Variants in CMIP observed in about 807,000 individuals in gnomAD.
The protein encoded by CMIP is C-Maf-inducing protein.
A neutral mutation model predicts 97.3 loss-of-function variants in CMIP; 13 were observed. That is an observed-to-expected ratio of 0.13 (90% CI 0.09 to 0.21). The LOEUF (loss-of-function observed/expected upper bound fraction) is 0.21, where lower values mean the gene tolerates loss of function less well. Among genes scored for constraint, CMIP ranks in the 10% least tolerant of loss-of-function variants. The probability of loss-of-function intolerance (pLI) is 1.00; values close to 1 mark genes in which losing one functional copy is unlikely to be tolerated. For missense variants in CMIP, 847 were observed against 1,024.9 expected (o/e 0.83, Z 2.37); for synonymous variants, 538 against 436.3 (o/e 1.23, Z -2.91).
At position 81,603,032 on chromosome 16, in the gene CMIP, G is replaced by A. The variant is rs189707391; in HGVS notation, c.301-4535G>A. Among the ~76,000 whole-genome samples the A allele has an allele frequency of 4.6e-5, 7 of 152,260 alleles. No homozygotes were observed. The East Asian group carries it at 5.8e-4, about 13-fold the overall frequency. On this transcript the variant is annotated intron_variant, in intron 1 of 20. Transcript: ENST00000537098. ...AGCCCATGTCCCCTGCAAGCCTCCC[G>A]TGTTCCTGCCCAGTGATAGCACTAC...
chr16:81,491,394 C>A (rs59797868), intron 1 of CMIP, among the ~76,000 whole-genome samples: 2,187 of 152,250 alleles, frequency 0.014, 53 homozygotes, highest in African/African-American at 0.051. Context: ...AGTAAAACTC[C>A]CTGCCCTGCT....
At chr16:81,708,662 C>T (rs540000675) in intron 20 of CMIP, among the ~76,000 whole-genome samples, 181 of 152,324 alleles carry the variant, frequency 1.2e-3, no homozygotes, top group Non-Finnish European at 1.9e-3. Context: ...AGGCAGGCCA[C>T]GCCCCACTGT....
chr16:81,572,632 C>T (rs983344552), intron 1 of CMIP, among the ~76,000 whole-genome samples: 2 of 152,166 alleles, frequency 1.3e-5, no homozygotes, highest in African/African-American at 2.4e-5. Context: ...CCAGGGTGCC[C>T]GGCCCGCACA....
chr16:81,574,722 A>G (rs1429253663), intron 1 of CMIP, among the ~76,000 whole-genome samples: 1 of 152,072 alleles, frequency 6.6e-6, no homozygotes, highest in Non-Finnish European at 1.5e-5. Context: ...CTGGGGATAC[A>G]GTGGTGGCCT....
chr16:81,479,611 C>T (rs1022468746), intron 1 of CMIP, among the ~76,000 whole-genome samples: 3 of 151,996 alleles, frequency 2.0e-5, no homozygotes, highest in African/African-American at 4.8e-5. Context: ...TTGTCTTTTT[C>T]GTGTCTGGGT....
At position 81,703,173 on chromosome 16, in the gene CMIP, G is replaced by C. The variant is rs550236181; in HGVS notation, c.1944+504G>C. Among the ~76,000 whole-genome samples, 275 of 152,256 alleles carry C rather than the reference G, an allele frequency of 1.8e-3. 3 individuals are homozygous for C. Among genetic ancestry groups the C allele is most frequent in the Non-Finnish European group, 3.0e-3 (206 of 68,010 alleles). ...TCTCCATTCCAGCCAGCAGGAAGGAGAACGTGCCCCTTCCTCTTAAGAAAC... is the reference window on the plus strand; with the variant it reads ...TCTCCATTCCAGCCAGCAGGAAGGACAACGTGCCCCTTCCTCTTAAGAAAC... On this transcript the variant is annotated intron_variant, in intron 17 of 20. Transcript: ENST00000537098.
chr16:81,705,665 CAGCCAAA>C, intron 19 of CMIP, 61 bp downstream of exon 19: 1 of 1,147,692 alleles, frequency 8.7e-7, no homozygotes, highest in Non-Finnish European at 1.3e-6. Context: ...TTCCTTGCTT[CAGCCAAA>C]CTGGCCAAGC....
intron 1 of CMIP, among the ~76,000 whole-genome samples, chr16:81,555,378 A>G (rs752366759): frequency 3.0e-4 from 45 of 152,214 alleles, no homozygotes; most frequent in Non-Finnish European, 7.3e-5. Flanking sequence ...GCAGAAAGCC[A>G]GAGAGGAATC....
chr16:81,452,748 C>G (rs941842050), intron 1 of CMIP, among the ~76,000 whole-genome samples: 1 of 151,996 alleles, frequency 6.6e-6, no homozygotes, highest in African/African-American at 2.4e-5. Context: ...CTCTGTGGAG[C>G]TGTTATTATC....
intron 3 of CMIP, among the ~76,000 whole-genome samples, chr16:81,639,080 C>G (rs1423044382): frequency 6.6e-6 from 1 of 152,100 alleles, no homozygotes. Flanking sequence ...CTTCAAGGAC[C>G]GGAGCTCAGG....
At chr16:81,704,965 T>G (rs889062132) in intron 18 of CMIP, among the ~76,000 whole-genome samples, 1 of 151,784 alleles carries the variant, frequency 6.6e-6, no homozygotes, top group Non-Finnish European at 1.5e-5. Flanking sequence ...GCAGGAGGCT[T>G]CTGGGTCTTT....
At chr16:81,474,460 A>G (rs1182890493) in intron 1 of CMIP, among the ~76,000 whole-genome samples, 1 of 151,792 alleles carries the variant, frequency 6.6e-6, no homozygotes, top group Non-Finnish European at 1.5e-5. Context: ...GGCACGTCGC[A>G]CACTACTTCT....
intron 1 of CMIP, among the ~76,000 whole-genome samples, chr16:81,589,404 G>T (rs972877901): frequency 6.6e-6 from 1 of 151,986 alleles, no homozygotes. Context: ...GCCTTGTCTT[G>T]CTTTTCAACA....
At chr16:81,450,224 C>T (rs1467300892) in intron 1 of CMIP, among the ~76,000 whole-genome samples, 1 of 152,184 alleles carries the variant, frequency 6.6e-6, no homozygotes, top group Non-Finnish European at 1.5e-5. Context: ...GTTTTGTTGG[C>T]ATGGACATTG....
chr16:81,599,729 C>T (rs1383502658), intron 1 of CMIP, among the ~76,000 whole-genome samples: 6 of 152,156 alleles, frequency 3.9e-5, no homozygotes, highest in Non-Finnish European at 8.8e-5. Flanking sequence ...GAGCAGGAGG[C>T]CTGTGTGAGA....
intron 1 of CMIP, among the ~76,000 whole-genome samples, chr16:81,581,304 G>T (rs9939220): frequency 0.076 from 11,574 of 152,196 alleles, 956 homozygotes; most frequent in African/African-American, 0.2. Flanking sequence ...GCGTAGTTAG[G>T]TGATTTAGTC....
rs772910652 is a variant in CMIP, at chr16:81,701,612, C to G, written c.1756-48C>G. On this transcript the variant is annotated intron_variant, in intron 15 of 20. Coordinates refer to ENST00000537098, the MANE Select transcript of CMIP (RefSeq NM_198390.3). Reference sequence around the variant, plus strand: ...CTTGGGGTGCACAGAGTGTGCTGAGCTAGGGTGGCAGGCCGGGTCCGTAAT... The same window carrying G: ...CTTGGGGTGCACAGAGTGTGCTGAGGTAGGGTGGCAGGCCGGGTCCGTAAT... 44 of 1,612,980 alleles carry G rather than the reference C, an allele frequency of 2.7e-5. 1 individual carries two copies. The highest frequency in any genetic ancestry group is 1.6e-4 in the Middle Eastern group (1 of 6,082).
At chr16:81,623,460 G>T (rs1381286980) in intron 3 of CMIP, among the ~76,000 whole-genome samples, 1 of 152,212 alleles carries the variant, frequency 6.6e-6, no homozygotes, top group East Asian at 1.9e-4. Flanking sequence ...GTGATCAATG[G>T]TAGTCTTTGC....
At chr16:81,602,563 C>A (rs888507850) in intron 1 of CMIP, among the ~76,000 whole-genome samples, 1 of 152,242 alleles carries the variant, frequency 6.6e-6, no homozygotes, top group African/African-American at 2.4e-5. Context: ...TTCCCATCAC[C>A]CCCAAGAGTC....
Sources: allele counts gnomAD v4.1 joint callset (sites outside exome capture counted in the v4.1 genomes callset), GRCh38; gene constraint gnomAD v4.1.1; transcripts MANE v1.5; gene names NCBI Gene and HGNC (gene_info 2026-07-23, HGNC 2026-07-21).